The following PDE1C variants were observed in gnomAD, a reference collection of about 807,000 sequenced individuals.
PDE1C encodes phosphodiesterase 1C.
In PDE1C, 62 loss-of-function variants were observed where a neutral mutation model predicts 93.1. The observed-to-expected ratio is 0.67, with a 90% CI of 0.54 to 0.82. The LOEUF (loss-of-function observed/expected upper bound fraction) is 0.82. PDE1C is among the 40% of genes least tolerant of loss of function. PDE1C has a pLI of 0.00. For missense variants in PDE1C, 742 were observed against 884.6 expected, an observed-to-expected ratio of 0.84 and a Z score of 2.04; for synonymous variants, 325 against 310.1, an observed-to-expected ratio of 1.05 and a Z score of -0.50.
intron 1 of PDE1C, among the ~76,000 whole-genome samples, chr7:32,398,363 T>C (rs1269942695): frequency 4.6e-5 from 7 of 151,694 alleles, no homozygotes; most frequent in Admixed American, 4.6e-4. Flanking sequence ...TACGGGATGA[T>C]TTCCAAGATC....
intron 1 of PDE1C, among the ~76,000 whole-genome samples, chr7:32,231,956 TATACACACACACACACAC>T (rs1353033138): frequency 3.9e-5 from 5 of 126,854 alleles, no homozygotes; most frequent in East Asian, 2.2e-4. Flanking sequence ...TAAATATGTG[TATACACACACACACACAC>T]ACACACACAC....
At chr7:32,121,979 T>G (rs2128764720) in intron 3 of PDE1C, among the ~76,000 whole-genome samples, 1 of 152,362 alleles carries the variant, frequency 6.6e-6, no homozygotes, top group South Asian at 2.1e-4. Flanking sequence ...GAGACCCATT[T>G]CATGTGCAAA....
intron 17 of PDE1C, among the ~76,000 whole-genome samples, chr7:31,758,358 AG>A (rs1329161928): frequency 6.6e-6 from 1 of 152,204 alleles, no homozygotes; most frequent in Non-Finnish European, 1.5e-5. Flanking sequence ...AATACTTATG[AG>A]GTACCCATAC....
intron 9 of PDE1C, among the ~76,000 whole-genome samples, chr7:31,844,817 C>T (rs1203940107): frequency 3.9e-5 from 6 of 152,128 alleles, no homozygotes; most frequent in Non-Finnish European, 7.4e-5. Context: ...TCCCTAACTT[C>T]TACTCATTTA....
At chr7:31,915,955 A>G (rs781197251) in intron 2 of PDE1C, among the ~76,000 whole-genome samples, 1 of 152,172 alleles carries the variant, frequency 6.6e-6, no homozygotes, top group African/African-American at 2.4e-5. Flanking sequence ...TAATAGTAAT[A>G]AACGGGGAAA....
chr7:31,860,798 TATTCTC>T (rs1177584648), intron 7 of PDE1C, among the ~76,000 whole-genome samples: 2 of 152,184 alleles, frequency 1.3e-5, no homozygotes, highest in African/African-American at 4.8e-5. Flanking sequence ...GCCATAAACA[TATTCTC>T]ATTTTTTCTT....
At chr7:32,086,477 C>A (rs1428935731) in intron 3 of PDE1C, among the ~76,000 whole-genome samples, 2 of 152,150 alleles carry the variant, frequency 1.3e-5, no homozygotes, top group African/African-American at 4.8e-5. Flanking sequence ...CTACCAATGA[C>A]TTTCTTCACA....
chr7:32,307,764 C>G (rs949400923), intron 1 of PDE1C, among the ~76,000 whole-genome samples: 1 of 152,146 alleles, frequency 6.6e-6, no homozygotes, highest in Non-Finnish European at 1.5e-5. Context: ...CCAAGATGGC[C>G]GAATAGGAAC....
intron 17 of PDE1C, among the ~76,000 whole-genome samples, chr7:31,772,598 C>T (rs1795568897): frequency 6.6e-6 from 1 of 151,578 alleles, no homozygotes; most frequent in South Asian, 2.1e-4. Context: ...ATTTTACCTA[C>T]CTTGGCGTGT....
At chr7:32,394,382 A>G (rs1347590320) in intron 1 of PDE1C, among the ~76,000 whole-genome samples, 4 of 152,208 alleles carry the variant, frequency 2.6e-5, no homozygotes, top group Non-Finnish European at 5.9e-5. Context: ...TCTCAGGTTG[A>G]TCCTCATTTT....
intron 3 of PDE1C, among the ~76,000 whole-genome samples, chr7:32,085,981 AT>A (rs1797045161): frequency 6.6e-6 from 1 of 151,712 alleles, no homozygotes; most frequent in Admixed American, 6.6e-5. Context: ...CCTATTCAAC[AT>A]AGTGCTGGAA....
At chr7:31,668,051 G>T in the PDE1C span, among the ~76,000 whole-genome samples, 2 of 152,084 alleles carry the variant, frequency 1.3e-5, no homozygotes, top group Non-Finnish European at 2.9e-5. Context: ...GGAAAAACTG[G>T]ACTATGTATT....
the PDE1C span, among the ~76,000 whole-genome samples, chr7:31,657,104 A>T: frequency 2.1e-5 from 3 of 145,580 alleles, no homozygotes; most frequent in South Asian, 2.2e-4. Flanking sequence ...ATATATATAA[A>T]ATATATATAA....
rs1403798495 is a variant in PDE1C, at chr7:32,350,574, ATATATATATATATATATTTTTT to A, written c.310+77226_310+77247del. Among the ~76,000 whole-genome samples, 5 of 1,104 alleles carry A rather than the reference ATATATATATATATATATTTTTT, an allele frequency of 4.5e-3. 2 individuals carry two copies. Among genetic ancestry groups the A allele is most frequent in the African/African-American group, 7.0e-3 (5 of 718 alleles). 0.7% of individuals were successfully genotyped at this position (1,104 alleles called of 152,430 possible). On this transcript the variant is annotated intron_variant, in intron 1 of 1. Transcript: ENST00000672256. ...TATATATATATATATATATATATATATATATATATATATATATTTTTTTTTTTTTTTTTATTATACTCTAAGT... is the reference window on the plus strand; with the variant it reads ...TATATATATATATATATATATATATATTTTTTTTTTTATTATACTCTAAGT...
intron 2 of PDE1C, among the ~76,000 whole-genome samples, chr7:32,208,708 AT>A (rs769991561): frequency 7.2e-5 from 11 of 151,886 alleles, no homozygotes; most frequent in Admixed American, 3.9e-4. Context: ...CGTCTCTAGT[AT>A]TTTCCCCCCC....
intron 1 of PDE1C, among the ~76,000 whole-genome samples, chr7:32,401,690 T>C (rs1396035985): frequency 6.6e-6 from 1 of 152,236 alleles, no homozygotes; most frequent in African/African-American, 2.4e-5. Flanking sequence ...GGAGATTCTG[T>C]GCTCAAGCCT....
chr7:31,796,179 A>G (rs142704006), intron 16 of PDE1C, among the ~76,000 whole-genome samples: 246 of 150,216 alleles, frequency 1.6e-3, no homozygotes, highest in African/African-American at 5.6e-3. Flanking sequence ...GAGGGTATAT[A>G]TTATGTATAT....
Position 31,786,945 on chromosome 7 carries a change from CTATCTATCTATCATCT to C in PDE1C, c.1892-11229_1892-11214del, listed in dbSNP as rs137989849. 1,010 of 112,540 alleles carry C rather than the reference CTATCTATCTATCATCT, an allele frequency of 9.0e-3. 11 individuals carry two copies. Among genetic ancestry groups the C allele is most frequent in the African/African-American group, 0.027 (591 of 21,972 alleles). The allele number at this position is 112,540 out of a possible 1,614,324, so 7.0% of individuals were successfully genotyped here. A position where few individuals can be genotyped will look rare whatever the true frequency, so the allele number is the denominator to read the frequency against. On this transcript the variant is annotated intron_variant, in intron 16 of 17. Coordinates refer to ENST00000396191, the MANE Select transcript of PDE1C (RefSeq NM_001191057.4). The stretch of plus-strand genomic sequence containing the variant: ...TCTATCTATCTATCTATCTATCTAT[CTATCTATCTATCATCT>C]ATCTATCTATCTATCTACCTACCTA...
At chr7:32,297,831 C>T (rs215606) in intron 1 of PDE1C, among the ~76,000 whole-genome samples, 81,584 of 151,904 alleles carry the variant, frequency 0.54, 24,226 homozygotes, top group Admixed American at 0.69. Context: ...CCCCTCCCTG[C>T]GGCCTCTCTC....
Sources: gnomAD v4.1 joint callset for allele counts (sites outside exome capture counted in the v4.1 genomes callset) on GRCh38, gnomAD v4.1.1 for gene constraint, MANE v1.5 for transcripts, NCBI Gene and HGNC (gene_info 2026-07-23, HGNC 2026-07-21) for gene names.